CFAP263: variants seen among roughly 807,000 people sequenced by gnomAD.
CFAP263 encodes the protein cilia and flagella associated protein 263.
the CFAP263 span, among the ~76,000 whole-genome samples, chr16:58,255,308 A>C: frequency 6.6e-6 from 1 of 152,210 alleles, no homozygotes; most frequent in Admixed American, 6.5e-5. Context: ...CAGAAGACTC[A>C]GTACACAAGC....
At chr16:58,274,884 A>G in the CFAP263 span, among the ~76,000 whole-genome samples, 1 of 152,214 alleles carries the variant, frequency 6.6e-6, no homozygotes, top group Admixed American at 6.5e-5. Flanking sequence ...TTGCTGCTCT[A>G]CAAGTGGGTT....
the CFAP263 span, chr16:58,278,551 G>T: frequency 7.1e-5 from 114 of 1,614,076 alleles, no homozygotes; most frequent in Non-Finnish European, 9.2e-5. Context: ...GGCACCACAG[G>T]TGATGACTTA....
the CFAP263 span, among the ~76,000 whole-genome samples, chr16:58,265,760 T>C: frequency 3.3e-5 from 5 of 152,284 alleles, no homozygotes; most frequent in African/African-American, 1.2e-4. Context: ...GTGAATGCAG[T>C]CCTTTACAGA....
the CFAP263 span, among the ~76,000 whole-genome samples, chr16:58,253,505 G>A: frequency 3.3e-5 from 5 of 152,192 alleles, no homozygotes; most frequent in African/African-American, 1.2e-4. Context: ...GGGGTTATCT[G>A]TATAGGCTTA....
chr16:58,266,452 A>G, the CFAP263 span, among the ~76,000 whole-genome samples: 2 of 120,072 alleles, frequency 1.7e-5, no homozygotes, highest in African/African-American at 3.3e-5. Context: ...ACCTTCTCCA[A>G]CCACTGTCCT....
At chr16:58,251,108 G>A in the CFAP263 span, among the ~76,000 whole-genome samples, 2 of 152,132 alleles carry the variant, frequency 1.3e-5, no homozygotes, top group East Asian at 1.9e-4. Flanking sequence ...TCAGAACTGA[G>A]GTATTATTAC....
the CFAP263 span, chr16:58,278,608 A>T: frequency 2.5e-6 from 4 of 1,614,170 alleles, no homozygotes. Context: ...GAGCATCAGG[A>T]TGTGGGAAAG....
the CFAP263 span, among the ~76,000 whole-genome samples, chr16:58,274,914 C>T: frequency 4.6e-5 from 7 of 152,130 alleles, no homozygotes; most frequent in Non-Finnish European, 7.4e-5. Context: ...GGATCTTAGT[C>T]GCTGGTCTTC....
At chr16:58,273,663 C>T in the CFAP263 span, among the ~76,000 whole-genome samples, 2 of 152,202 alleles carry the variant, frequency 1.3e-5, no homozygotes, top group Non-Finnish European at 2.9e-5. Flanking sequence ...GCTAAGTCCA[C>T]CATCTGCTGT....
the CFAP263 span, among the ~76,000 whole-genome samples, chr16:58,261,767 G>C: frequency 6.6e-6 from 1 of 152,208 alleles, no homozygotes; most frequent in African/African-American, 2.4e-5. Context: ...AGGAACAGCA[G>C]TTCCCAAGTT....
the CFAP263 span, among the ~76,000 whole-genome samples, chr16:58,264,018 C>A: frequency 1.3e-5 from 2 of 152,154 alleles, no homozygotes; most frequent in Non-Finnish European, 2.9e-5. Flanking sequence ...CAGTATGCAT[C>A]CCACCTAACT....
At chr16:58,253,160 A>C in the CFAP263 span, among the ~76,000 whole-genome samples, 1 of 152,044 alleles carries the variant, frequency 6.6e-6, no homozygotes, top group Admixed American at 6.6e-5. Context: ...GGAGGATCAC[A>C]TGAGACCAGG....
the CFAP263 span, among the ~76,000 whole-genome samples, chr16:58,258,125 A>G: frequency 6.6e-6 from 1 of 151,864 alleles, no homozygotes; most frequent in East Asian, 1.9e-4. Context: ...AAAAAAAAAA[A>G]AAGATAGATA....
chr16:58,254,462 C>T, the CFAP263 span, among the ~76,000 whole-genome samples: 2 of 152,088 alleles, frequency 1.3e-5, no homozygotes, highest in Admixed American at 1.3e-4. Context: ...TTTGGTTGAT[C>T]AACTTTCCCT....
At chr16:58,277,295 A>C in the CFAP263 span, among the ~76,000 whole-genome samples, 1 of 151,936 alleles carries the variant, frequency 6.6e-6, no homozygotes, top group African/African-American at 2.4e-5. Flanking sequence ...TGCCCGACTC[A>C]GTTTTGTATT....
chr16:58,281,074 A>T, the CFAP263 span: 2 of 305,602 alleles, frequency 6.5e-6, no homozygotes, highest in Non-Finnish European at 1.2e-5. Flanking sequence ...CATTCCTGAA[A>T]TGTTGGTGTT....
the CFAP263 span, among the ~76,000 whole-genome samples, chr16:58,260,229 C>T: frequency 6.6e-6 from 1 of 152,054 alleles, no homozygotes; most frequent in South Asian, 2.1e-4. Flanking sequence ...GATGAGCTTT[C>T]ATGAGAGGGA....
the CFAP263 span, among the ~76,000 whole-genome samples, chr16:58,254,666 G>A: frequency 1.5e-4 from 22 of 151,042 alleles, no homozygotes; most frequent in Admixed American, 5.3e-4. Flanking sequence ...GTGCAGTGGC[G>A]TGATCTCAGC....
chr16:58,263,674 CG>C, the CFAP263 span, among the ~76,000 whole-genome samples: 1 of 152,068 alleles, frequency 6.6e-6, no homozygotes, highest in Non-Finnish European at 1.5e-5. Context: ...ATGAAAAAAC[CG>C]GGGGTCAAAG....
Sources: allele counts gnomAD v4.1 joint callset (sites outside exome capture counted in the v4.1 genomes callset), GRCh38; gene constraint gnomAD v4.1.1; transcripts MANE v1.5; gene names NCBI Gene and HGNC (gene_info 2026-07-23, HGNC 2026-07-21).